The following LRCH3 variants were observed in gnomAD, a reference collection of about 807,000 sequenced individuals.
LRCH3 encodes the protein DISP complex protein LRCH3.
A neutral mutation model predicts 104.5 loss-of-function variants in LRCH3; 68 were observed. That is an observed-to-expected ratio of 0.65 (90% CI 0.54 to 0.80). The LOEUF (loss-of-function observed/expected upper bound fraction) is 0.80, where lower values mean the gene tolerates loss of function less well. Ranked by LOEUF, LRCH3 falls within the 30% of genes least tolerant of loss-of-function variation. The pLI is 0.00. For missense variants in LRCH3, 951 were observed against 953.9 expected (o/e 1.00, Z 0.04); for synonymous variants, 344 against 361.3 (o/e 0.95, Z 0.54).
intron 15 of LRCH3, among the ~76,000 whole-genome samples, chr3:197,863,220 G>A (rs1741079274): frequency 6.6e-6 from 1 of 152,088 alleles, no homozygotes; most frequent in Admixed American, 6.6e-5. Context: ...GCAATTAGAT[G>A]TCAAGGCCTA....
At chr3:197,875,935 T>G in intron 20 of LRCH3, 160 bp downstream of exon 20, 1 of 473,318 alleles carries the variant, frequency 2.1e-6, no homozygotes, top group Non-Finnish European at 3.7e-6. Context: ...TTGAACAGTT[T>G]TCCTTGATTA....
chr3:197,793,146 G>A (rs375887345), intron 1 of LRCH3, among the ~76,000 whole-genome samples: 4 of 152,084 alleles, frequency 2.6e-5, no homozygotes, highest in Non-Finnish European at 4.4e-5. Context: ...TCTATGCTTT[G>A]CAGTCATTAA....
chr3:197,824,655 C>G (rs569077265), intron 4 of LRCH3, among the ~76,000 whole-genome samples: 2 of 150,450 alleles, frequency 1.3e-5, no homozygotes, highest in East Asian at 2.0e-4. Context: ...TAACCTCTGC[C>G]CCCCCGTCCC....
intron 3 of LRCH3, 119 bp from the exon 4 acceptor site, chr3:197,820,206 A>G (rs1466432887): frequency 1.4e-6 from 1 of 700,272 alleles, no homozygotes; most frequent in African/African-American, 1.8e-5. Flanking sequence ...GAACCATTGA[A>G]TTAAGCTATT....
intron 1 of LRCH3, among the ~76,000 whole-genome samples, chr3:197,809,087 C>T (rs1374460184): frequency 6.6e-6 from 1 of 151,858 alleles, no homozygotes; most frequent in Admixed American, 6.6e-5. Context: ...CACTTGAGGT[C>T]AGGAGTTCAG....
intron 20 of LRCH3, among the ~76,000 whole-genome samples, chr3:197,879,333 C>T (rs1028792951): frequency 2.0e-5 from 3 of 152,172 alleles, no homozygotes; most frequent in Non-Finnish European, 2.9e-5. Flanking sequence ...AACACATTCT[C>T]GAGCTGGACT....
At chr3:197,835,086 G>A (rs1736563985) in intron 8 of LRCH3, among the ~76,000 whole-genome samples, 1 of 152,210 alleles carries the variant, frequency 6.6e-6, no homozygotes, top group African/African-American at 2.4e-5. Flanking sequence ...AGAGGTTGCA[G>A]TGAGCCAAGA....
intron 15 of LRCH3, among the ~76,000 whole-genome samples, chr3:197,859,774 T>G (rs1231729353): frequency 7.2e-6 from 1 of 139,402 alleles, no homozygotes; most frequent in African/African-American, 2.9e-5. Context: ...GTAAGAATCC[T>G]TTTTTTTTTT....
rs746167427 is a variant in LRCH3 at position 197,839,448 on chromosome 3, A to T, written c.1328+51A>T. ...TTGTTTCTGTCTTAATCATGAGAGC[A>T]TAAAGTAATTTTGGTTTTATGCAGA... is the stretch of plus-strand genomic sequence containing the variant. On this transcript the variant is annotated intron_variant, in intron 10 of 20. Transcript: ENST00000425562. The T allele has an allele frequency of 3.2e-6, 4 of 1,233,432 alleles. No individual in the cohort carries two copies. In the South Asian group the frequency reaches 5.5e-5, roughly 17 times the overall value. 76.4% of individuals were successfully genotyped at this position (1,233,432 alleles called of 1,614,324 possible). A position where few individuals can be genotyped will look rare whatever the true frequency, so the allele number is the denominator to read the frequency against.
At position 197,858,830 on chromosome 3, in the gene LRCH3, G is replaced by A. The variant is rs543307934; in HGVS notation, c.1645-4G>A. The A allele has an allele frequency of 2.5e-6, 4 of 1,612,530 alleles. No homozygotes were observed. The highest frequency in any genetic ancestry group is 1.7e-5 in the Admixed American group (1 of 60,010). ...GTTTCTTCTCTTTCTCATTTGAAAT[G>A]TAGTCGCTGTCAGGGTTGAATCAAG... is the stretch of plus-strand genomic sequence containing the variant. On this transcript the variant is annotated splice_region_variant and splice_polypyrimidine_tract_variant and intron_variant, in intron 14 of 20. Coordinates refer to ENST00000425562, the MANE Select transcript of LRCH3 (RefSeq NM_001365715.1).
chr3:197,813,943 T>C, intron 1 of LRCH3, among the ~76,000 whole-genome samples: 1 of 152,248 alleles, frequency 6.6e-6, no homozygotes, highest in East Asian at 1.9e-4. Flanking sequence ...CGTTCTTTTT[T>C]ATTCATAACT....
chr3:197,866,680 C>T (rs934965801), intron 17 of LRCH3, among the ~76,000 whole-genome samples: 1 of 152,102 alleles, frequency 6.6e-6, no homozygotes, highest in Admixed American at 6.5e-5. Context: ...CAACTTTTAT[C>T]ATGGTGGTGT....
At chr3:197,880,255 ATTC>A (rs201713427) in intron 20 of LRCH3, among the ~76,000 whole-genome samples, 6,189 of 152,182 alleles carry the variant, frequency 0.041, 392 homozygotes, top group African/African-American at 0.14. Flanking sequence ...TGTGTATTGT[ATTC>A]TTAATGTTCA....
chr3:197,823,410 A>G (rs1187521940), intron 4 of LRCH3: 1 of 151,332 alleles, frequency 6.6e-6, no homozygotes, highest in East Asian at 2.0e-4. Context: ...AAGAATCTTA[A>G]ATAGTGTCGT....
intron 4 of LRCH3, among the ~76,000 whole-genome samples, chr3:197,826,661 C>T (rs574731608): frequency 5.8e-4 from 88 of 152,238 alleles, no homozygotes; most frequent in African/African-American, 2.0e-3. Flanking sequence ...CGGGTCAAAG[C>T]TGCTTTTTAT....
chr3:197,881,431 G>A, intron 20 of LRCH3: 5 of 985,560 alleles, frequency 5.1e-6, no homozygotes, highest in Non-Finnish European at 6.0e-6. Flanking sequence ...ATGGGCTGGA[G>A]CTGGCCTCTC....
chr3:197,852,455 G>GT (rs1181042896), intron 12 of LRCH3, 106 bp from the exon 13 acceptor site: 12 of 1,087,040 alleles, frequency 1.1e-5, no homozygotes, highest in Non-Finnish European at 1.6e-5. Flanking sequence ...TAAACAAGAG[G>GT]TAAAAAAATT....
rs963220583 is a variant in LRCH3 at position 197,835,121 on chromosome 3, A to G, written c.1103-553A>G. ...ATTGCACCACTGCACTGCAGCCTGG[A>G]TGACAAAGGGAGACCCTGTCTCAAA... is the stretch of plus-strand genomic sequence containing the variant. On this transcript the variant is annotated intron_variant, in intron 8 of 20. Transcript: ENST00000425562. Among the ~76,000 whole-genome samples, 11 of 152,300 alleles carry G rather than the reference A, an allele frequency of 7.2e-5. 1 individual carries two copies. In the Middle Eastern group the frequency reaches 0.02, roughly 283 times the overall value.
At chr3:197,866,057 C>T (rs1741445659) in intron 16 of LRCH3, 55 bp from the exon 17 acceptor site, 2 of 1,223,862 alleles carry the variant, frequency 1.6e-6, no homozygotes, top group South Asian at 2.5e-5. Context: ...ACTTGTATGT[C>T]TGCTATTATA....
Sources: gnomAD v4.1 joint callset for allele counts (sites outside exome capture counted in the v4.1 genomes callset) on GRCh38, gnomAD v4.1.1 for gene constraint, MANE v1.5 for transcripts, NCBI Gene and HGNC (gene_info 2026-07-23, HGNC 2026-07-21) for gene names.